FBXL19: variants seen among roughly 807,000 people sequenced by gnomAD.
FBXL19 encodes the protein F-box and leucine rich repeat protein 19.
Under a neutral mutation model 71.2 loss-of-function variants are expected in FBXL19, and 16 were observed. The observed-to-expected ratio is 0.22, with a 90% CI of 0.15 to 0.34. FBXL19 has a LOEUF of 0.34. Among genes scored for constraint, FBXL19 ranks in the 10% least tolerant of loss-of-function variants. The probability of loss-of-function intolerance (pLI) is 1.00; values close to 1 mark genes in which losing one functional copy is unlikely to be tolerated. For synonymous variants in FBXL19, 447 were observed against 409.4 expected (o/e 1.09, Z -1.11); for missense variants, 658 against 968.2 (o/e 0.68, Z 4.25).
In FBXL19 at chr16:30,934,967, G is replaced by A. The variant is rs1257139327; in HGVS notation, c.1301+4383G>A. On this transcript the variant is annotated intron_variant, in intron 7 of 10. Transcript: ENST00000338343. ...TCAGTACTTGTGAGTTAGAGCAAGA[G>A]CCTAGCCAGATAATTGGAGGAGCTC... Among the ~76,000 whole-genome samples, 4 of 152,228 alleles carry A rather than the reference G, an allele frequency of 2.6e-5. 1 individual carries two copies. The South Asian group carries it at 8.3e-4, about 32-fold the overall frequency.
At position 30,948,475 on chromosome 16, in the gene FBXL19, G is replaced by A. The variant is rs1245713235; in HGVS notation, c.*1245G>A. ...GCGGGGTGGGGCTTCGGGACCCCGGGGATGAGCCGGGCCAGGTCCCGCCCC... is the reference window on the plus strand; with the variant it reads ...GCGGGGTGGGGCTTCGGGACCCCGGAGATGAGCCGGGCCAGGTCCCGCCCC... On this transcript the variant is annotated 3_prime_UTR_variant, in exon 11 of 11. Coordinates refer to ENST00000338343, the MANE Select transcript of FBXL19 (RefSeq NM_001382779.1). 1.3e-5 allele frequency: 2 copies of A among 152,474 alleles called. No homozygotes were observed. Among genetic ancestry groups the A allele is most frequent in the African/African-American group, 2.4e-5 (1 of 41,454 alleles). 9.4% of individuals were successfully genotyped at this position (152,474 alleles called of 1,614,324 possible).
rs1483905773 is a variant in FBXL19 at position 30,942,745 on chromosome 16, T to C, written c.1627+209T>C. 6.6e-6 allele frequency among the ~76,000 whole-genome samples: 1 copy of C among 152,160 alleles called. No individual in the cohort carries two copies. The highest frequency in any genetic ancestry group is 6.5e-5 in the Admixed American group (1 of 15,278). On this transcript the variant is annotated intron_variant, in intron 9 of 10. Coordinates refer to ENST00000338343, the MANE Select transcript of FBXL19 (RefSeq NM_001382779.1). This position sits in a 1 kb window ranked among gnomAD's most constrained non-coding sequence, Gnocchi z 5.7. The stretch of plus-strand genomic sequence containing the variant: ...GAACTGAGTCTTGAAAGGAACAGGG[T>C]TTTCCCAGGGAGTGTGAGACTCAGC...
intron 7 of FBXL19, among the ~76,000 whole-genome samples, chr16:30,937,816 C>T (rs1189369699): frequency 6.6e-6 from 1 of 152,034 alleles, no homozygotes; most frequent in Non-Finnish European, 1.5e-5. Context: ...CCTGTGGGTG[C>T]CCCCAGGGAA....
Position 30,942,582 on chromosome 16 carries a change from A to T in FBXL19, c.1627+46A>T. On this transcript the variant is annotated intron_variant, in intron 9 of 10. Coordinates refer to ENST00000338343, the MANE Select transcript of FBXL19 (RefSeq NM_001382779.1). The surrounding 1 kb of genome is among the most constrained non-coding windows in gnomAD (Gnocchi z 5.7). ...TCTGGAGAATGGGCTGGGCAAGGGT[A>T]GGGTAGGAGGCCTCTCAGGTCTCTT... 1 of 1,511,772 alleles carries T rather than the reference A, an allele frequency of 6.6e-7. No homozygotes were observed. The highest frequency in any genetic ancestry group is 8.9e-7 in the Non-Finnish European group (1 of 1,128,534). 93.6% of individuals were successfully genotyped at this position (1,511,772 alleles called of 1,614,324 possible).
chr16:30,928,627 AGGTGTGCCGG>A lies in FBXL19; in HGVS notation c.789+2_789+11del. 6.4e-6 allele frequency: 10 copies of A among 1,571,600 alleles called. No individual in the cohort carries two copies. Among genetic ancestry groups the A allele is most frequent in the Non-Finnish European group, 8.6e-6 (10 of 1,160,154 alleles). ...CCTGGGCTCCCTCCCGAGAACTGGG[AGGTGTGCCGG>A]GGACCTCCTCCCTCCCCTTCCCACC... On this transcript the variant is annotated splice_donor_variant and splice_donor_5th_base_variant and coding_sequence_variant and intron_variant, in exon 6 of 11. Coordinates refer to ENST00000338343, the MANE Select transcript of FBXL19 (RefSeq NM_001382779.1). LOFTEE classifies it high-confidence loss of function.
Position 30,930,060 on chromosome 16 carries a change from T to C in FBXL19, c.790-13T>C, listed in dbSNP as rs1198026497. 13 of 1,606,994 alleles carry C rather than the reference T, an allele frequency of 8.1e-6. No individual in the cohort carries two copies. Among genetic ancestry groups the C allele is most frequent in the African/African-American group, 1.3e-5 (1 of 74,768 alleles). ...CCAGGCCCTAGAACAGCATCAACCC[T>C]GTCTCCCTGCAGAAACCAAAGCCGC... On this transcript the variant is annotated splice_polypyrimidine_tract_variant and intron_variant, in intron 6 of 10. Coordinates refer to ENST00000338343, the MANE Select transcript of FBXL19 (RefSeq NM_001382779.1). The surrounding 1 kb of genome is among the most constrained non-coding windows in gnomAD (Gnocchi z 8.5).
In FBXL19 at chr16:30,947,060, C is replaced by T; in HGVS notation, c.1855C>T (p.Arg619Cys). The change falls in exon 11 of 11, where the codon CGC becomes TGC. Residue 619 changes from arginine (R) to cysteine (C), a missense_variant. Coordinates refer to ENST00000338343, the MANE Select transcript of FBXL19 (RefSeq NM_001382779.1). ...CACTGCCCCATCCCCAGGTTGCCAC[C>T]GCCTAACGGACCACTGCCTCCCGCT... is the stretch of plus-strand genomic sequence containing the variant. ...LVHLNLAGCH[R>C]LTDHCLPLFR... 2 of 1,593,042 alleles carry T rather than the reference C, an allele frequency of 1.3e-6. No individual in the cohort carries two copies. The highest frequency in any genetic ancestry group is 1.1e-5 in the South Asian group (1 of 89,092).
rs548472628 is a variant in FBXL19 at position 30,935,407 on chromosome 16, TTTC to T, written c.1301+4826_1301+4828del. Among the ~76,000 whole-genome samples, 129 of 152,242 alleles carry T rather than the reference TTTC, an allele frequency of 8.5e-4. 2 individuals are homozygous for T. The highest frequency in any genetic ancestry group is 7.5e-3 in the Admixed American group (115 of 15,276). On this transcript the variant is annotated intron_variant, in intron 7 of 10. Transcript: ENST00000338343. ...CTTTCCTGTCTGGTGGCTTCCATCTTTTCTTGGAACTGAAAGGGAAGTGATCCC... is the reference window on the plus strand; with the variant it reads ...CTTTCCTGTCTGGTGGCTTCCATCTTTTGGAACTGAAAGGGAAGTGATCCC...
intron 7 of FBXL19, among the ~76,000 whole-genome samples, chr16:30,933,512 C>T (rs1054572855): frequency 6.7e-6 from 1 of 149,922 alleles, no homozygotes; most frequent in Non-Finnish European, 1.5e-5. Flanking sequence ...TACAGTGGTG[C>T]AGTCATAGCT....
Position 30,947,386 on chromosome 16 carries a change from CCTT to C in FBXL19, c.*160_*162del, listed in dbSNP as rs1349773006. ...ACCCAGGGACTCAAGCCAGCCACCC[CCTT>C]CTTTCCCCCCTGCACTGATATCTCT... On this transcript the variant is annotated 3_prime_UTR_variant, in exon 11 of 11. Coordinates refer to ENST00000338343, the MANE Select transcript of FBXL19 (RefSeq NM_001382779.1). The C allele has an allele frequency of 1.6e-6, 1 of 614,950 alleles. No individual in the cohort carries two copies. Among genetic ancestry groups the C allele is most frequent in the Non-Finnish European group, 2.9e-6 (1 of 350,528 alleles). The allele number at this position is 614,950 out of a possible 1,614,324, so 38.1% of individuals were successfully genotyped here. A position where few individuals can be genotyped will look rare whatever the true frequency, so the allele number is the denominator to read the frequency against.
rs928135090 is a variant in FBXL19 at position 30,946,527 on chromosome 16, A to G, written c.1628-203A>G. ...GCAGAATATTGTAGTCTCAAATACA[A>G]TAATCATGGAAGGCCTCCGAGGAGG... is the stretch of plus-strand genomic sequence containing the variant. On this transcript the variant is annotated intron_variant, in intron 9 of 10. Coordinates refer to ENST00000338343, the MANE Select transcript of FBXL19 (RefSeq NM_001382779.1). The surrounding 1 kb of genome is among the most constrained non-coding windows in gnomAD (Gnocchi z 6.7). 2.0e-5 allele frequency among the ~76,000 whole-genome samples: 3 copies of G among 152,250 alleles called. No individual in the cohort carries two copies. Among genetic ancestry groups the G allele is most frequent in the African/African-American group, 2.4e-5 (1 of 41,476 alleles).
chr16:30,923,834 G>C lies in FBXL19; in HGVS notation c.-650G>C, dbSNP rs1197356159. 6.6e-6 allele frequency among the ~76,000 whole-genome samples: 1 copy of C among 151,558 alleles called. No individual in the cohort carries two copies. Among genetic ancestry groups the C allele is most frequent in the African/African-American group, 2.4e-5 (1 of 41,312 alleles). ...GTCGGGGGTGCGCGCGGGCTGGGGG[G>C]GGCGGGGCCGGAGCAGCTTCCTTCA... is the stretch of plus-strand genomic sequence containing the variant. On this transcript the variant is annotated 5_prime_UTR_variant, in exon 1 of 11. Coordinates refer to ENST00000338343, the MANE Select transcript of FBXL19 (RefSeq NM_001382779.1).
In FBXL19 at chr16:30,923,594, A is replaced by C. The variant is rs1193013952; in HGVS notation, c.-890A>C. On this transcript the variant is annotated 5_prime_UTR_variant, in exon 1 of 11. Coordinates refer to ENST00000338343, the MANE Select transcript of FBXL19 (RefSeq NM_001382779.1). ...GGGAAGAGAGGAGGAAGGAGGAAGG[A>C]GCTGAGGAGGGATGAGAGAGGCGGC... is the stretch of plus-strand genomic sequence containing the variant. Among the ~76,000 whole-genome samples the C allele has an allele frequency of 6.8e-6, 1 of 146,106 alleles. No homozygotes were observed. The highest frequency in any genetic ancestry group is 1.5e-5 in the Non-Finnish European group (1 of 66,002).
Position 30,930,255 on chromosome 16 carries a change from C to T in FBXL19, c.972C>T (p.Asp324=), listed in dbSNP as rs1385495056. ...CTTCGGGCACATCGCTGAGTGAGGA[C>T]GAAGCCCCCGGCGAGGCCCGGAATG... ...SDSSGTSLSE[D]EAPGEARNGR... Residue 324 remains aspartate (D), a synonymous_variant, in exon 7 of 11, where the codon GAC becomes GAT. Transcript: ENST00000338343. This position sits in a 1 kb window ranked among gnomAD's most constrained non-coding sequence, Gnocchi z 8.5. 1.2e-5 allele frequency: 20 copies of T among 1,612,876 alleles called. No homozygotes were observed. The highest frequency in any genetic ancestry group is 1.5e-5 in the Non-Finnish European group (18 of 1,179,834).
chr16:30,935,437 T>C (rs1338609933), intron 7 of FBXL19, among the ~76,000 whole-genome samples: 1 of 151,974 alleles, frequency 6.6e-6, no homozygotes, highest in Non-Finnish European at 1.5e-5. Context: ...AGTGATCCCT[T>C]AAGAGTGAAG....
rs762186745 is a variant in FBXL19 at position 30,930,504 on chromosome 16, C to T, written c.1221C>T (p.Ala407=). ...AAGSDHPLPR[A]AWLRVFQHLG... ...GATCCGACCACCCCCTGCCCCGGGC[C>T]GCCTGGCTTCGCGTCTTCCAGCACC... The change falls in exon 7 of 11, where the codon GCC becomes GCT. Residue 407 remains alanine (A), a synonymous_variant. Transcript: ENST00000338343. The surrounding 1 kb of genome is among the most constrained non-coding windows in gnomAD (Gnocchi z 8.5). The T allele has an allele frequency of 3.3e-4, 512 of 1,529,438 alleles. 2 individuals carry two copies. The Middle Eastern group carries it at 0.01, about 30-fold the overall frequency. The allele number at this position is 1,529,438 out of a possible 1,614,324, so 94.7% of individuals were successfully genotyped here. A position where few individuals can be genotyped will look rare whatever the true frequency, so the allele number is the denominator to read the frequency against.
intron 2 of FBXL19, 101 bp downstream of exon 2, chr16:30,926,032 G>T: frequency 7.5e-7 from 1 of 1,340,878 alleles, no homozygotes; most frequent in Non-Finnish European, 9.5e-7. Flanking sequence ...GTGGCTGTTT[G>T]TTCACTCGTT....
chr16:30,941,702 G>C (rs548046347), intron 7 of FBXL19, among the ~76,000 whole-genome samples: 13 of 152,284 alleles, frequency 8.5e-5, no homozygotes, highest in African/African-American at 2.9e-4. Context: ...GGTGGCTGGA[G>C]ACGACTGGAT....
intron 7 of FBXL19, among the ~76,000 whole-genome samples, chr16:30,937,599 G>A (rs1235367979): frequency 6.6e-6 from 1 of 152,112 alleles, no homozygotes; most frequent in African/African-American, 2.4e-5. Flanking sequence ...AAGAGCAGGG[G>A]GACTGATGAG....
Sources: gnomAD v4.1 joint callset for allele counts (sites outside exome capture counted in the v4.1 genomes callset) on GRCh38, gnomAD v4.1.1 for gene constraint, Gnocchi (gnomAD v3.1) non-coding constraint, MANE v1.5 for transcripts, NCBI Gene and HGNC (gene_info 2026-07-23, HGNC 2026-07-21) for gene names.